FAM193B: variants seen among roughly 807,000 people sequenced by gnomAD.
FAM193B encodes protein FAM193B.
FAM193B carries 27 observed loss-of-function variants against 70.7 expected under a neutral mutation model. That is an observed-to-expected ratio of 0.38 (90% CI 0.28 to 0.53). The LOEUF (loss-of-function observed/expected upper bound fraction) is 0.53. Among genes scored for constraint, FAM193B ranks in the 20% least tolerant of loss-of-function variants. The pLI is 0.81. For synonymous variants in FAM193B, 448 were observed against 436.0 expected, an observed-to-expected ratio of 1.03 and a Z score of -0.34; for missense variants, 1,022 against 1,072.5, an observed-to-expected ratio of 0.95 and a Z score of 0.66.
chr5:177,532,634 C>A lies in FAM193B; in HGVS notation c.1084G>T (p.Gly362Trp), dbSNP rs569180331. 1.9e-6 allele frequency: 3 copies of A among 1,539,548 alleles called. No homozygotes were observed. The Admixed American group carries it at 7.0e-5, about 36-fold the overall frequency. The stretch of plus-strand genomic sequence containing the variant: ...TGTGCAAACTTGTGCCCCTTGCACC[C>A]GGGATCCCTGATGATGGGGAGGAAG... ...QPLPSTHRDP[G>W]CKGHKFAHSG... The change falls in exon 5 of 9, where the codon GGG (glycine) becomes TGG (tryptophan). Residue 362 changes from glycine to tryptophan, a missense_variant. Gly to Trp is a radical substitution (Grantham distance 184). Coordinates refer to ENST00000514747, the MANE Select transcript of FAM193B (RefSeq NM_001190946.3). The surrounding 1 kb of genome is among the most constrained non-coding windows in gnomAD (Gnocchi z 4.9).
intron 1 of FAM193B, among the ~76,000 whole-genome samples, chr5:177,550,447 C>A (rs566345750): frequency 6.6e-6 from 1 of 152,310 alleles, no homozygotes; most frequent in Admixed American, 6.5e-5. Flanking sequence ...TAATGAGATG[C>A]TTTTATTAAA....
At position 177,524,756 on chromosome 5, in the gene FAM193B, G is replaced by A. The variant is rs775984943; in HGVS notation, c.1725C>T (p.Pro575=). 9 of 1,531,114 alleles carry A rather than the reference G, an allele frequency of 5.9e-6. No individual in the cohort carries two copies. Among genetic ancestry groups the A allele is most frequent in the Admixed American group, 2.1e-5 (1 of 47,326 alleles). The allele number at this position is 1,531,114 out of a possible 1,614,324, so 94.8% of individuals were successfully genotyped here. A position where few individuals can be genotyped will look rare whatever the true frequency, so the allele number is the denominator to read the frequency against. The part of the protein sequence containing the change: ...PPWTEVRGPP[P]GIVPENGLVR... ...CGAGCCCGTTCTCGGGGACGATACC[G>A]GGAGGGGGCCCCCTCACCTCTGTCC... Residue 575 remains proline, a synonymous_variant, in exon 6 of 9, where the codon CCC becomes CCT. Transcript: ENST00000514747.
At chr5:177,552,649 C>G (rs1766424330) in intron 1 of FAM193B, among the ~76,000 whole-genome samples, 1 of 152,142 alleles carries the variant, frequency 6.6e-6, no homozygotes, top group Non-Finnish European at 1.5e-5. Context: ...CCAGAGTAGG[C>G]TGGTGGGGGA....
chr5:177,548,207 G>C (rs181007243), intron 1 of FAM193B, among the ~76,000 whole-genome samples: 1 of 152,128 alleles, frequency 6.6e-6, no homozygotes, highest in African/African-American at 2.4e-5. Flanking sequence ...GTTTAAAAAC[G>C]TATCTCTAGA....
rs1422844224 is a variant in FAM193B at position 177,522,047 on chromosome 5, C to G, written c.2397G>C (p.Gln799His). The part of the protein sequence containing the change: ...FKRFCLDSAK[Q>H]TRQKVAVNWT... ...AGTTCACAGCAACTTTCTGACGAGT[C>G]TGCTTTGCAGAATCCAAACAGAACC... The change falls in exon 8 of 9, where the codon CAG becomes CAC. Residue 799 changes from glutamine to histidine, a missense_variant. Gln to His is a conservative substitution (Grantham distance 24). Transcript: ENST00000514747. The G allele has an allele frequency of 7.4e-6, 12 of 1,614,032 alleles. No individual in the cohort carries two copies. The highest frequency in any genetic ancestry group is 1.0e-5 in the Non-Finnish European group (12 of 1,179,898).
At chr5:177,542,595 A>G (rs1249818091) in intron 1 of FAM193B, among the ~76,000 whole-genome samples, 3 of 152,126 alleles carry the variant, frequency 2.0e-5, no homozygotes, top group African/African-American at 7.2e-5. Flanking sequence ...TCCCAAAATA[A>G]TCTCTGCCTT....
chr5:177,532,239 A>G lies in FAM193B; in HGVS notation c.1275+204T>C. 1 of 1,497,926 alleles carries G rather than the reference A, an allele frequency of 6.7e-7. No individual in the cohort carries two copies. Among genetic ancestry groups the G allele is most frequent in the South Asian group, 1.3e-5 (1 of 78,094 alleles). The allele number at this position is 1,497,926 out of a possible 1,614,324, so 92.8% of individuals were successfully genotyped here. ...GTCAATCTTAAGAGAAACCATGAGA[A>G]GAGCAAAGGTAGCAAAATGTTTAAA... On this transcript the variant is annotated intron_variant, in intron 5 of 8. Coordinates refer to ENST00000514747, the MANE Select transcript of FAM193B (RefSeq NM_001190946.3). The surrounding 1 kb of genome is among the most constrained non-coding windows in gnomAD (Gnocchi z 4.9).
chr5:177,545,500 A>C (rs1765308829), intron 1 of FAM193B, among the ~76,000 whole-genome samples: 1 of 152,184 alleles, frequency 6.6e-6, no homozygotes, highest in Non-Finnish European at 1.5e-5. Context: ...AATAGATATA[A>C]ACAACACAAA....
rs1272935610 is a variant in FAM193B, at chr5:177,536,707, C to G, written c.727G>C (p.Asp243His). Residue 243 changes from aspartate (D) to histidine (H), a missense_variant, in exon 4 of 9, where the codon GAC (aspartate) becomes CAC (histidine). Transcript: ENST00000514747. ...GGGCTGTTAGGGGGAGCAGTGAGGT[C>G]TGAGTGCTGGTGGTGCTCCGAGACG... ...FPVSEHHQHSDLTAPPNSPTG... is the reference protein window; with the variant it reads ...FPVSEHHQHSHLTAPPNSPTG... 10 of 1,560,490 alleles carry G rather than the reference C, an allele frequency of 6.4e-6. No individual in the cohort carries two copies. The East Asian group carries it at 1.4e-4, about 22-fold the overall frequency.
chr5:177,541,291 C>T (rs1281486161), intron 1 of FAM193B, among the ~76,000 whole-genome samples: 1 of 152,190 alleles, frequency 6.6e-6, no homozygotes, highest in Non-Finnish European at 1.5e-5. Flanking sequence ...CCTTTTCCTG[C>T]CATGATGATG....
rs1766718234 is a variant in FAM193B at position 177,554,144 on chromosome 5, C to T, written c.210+105G>A. Reference sequence around the variant, plus strand: ...GCCGGACCCGGGGGAAGGCTGCTACCCCAGCCGCGGCAGGATGGCCCATCC... The same window carrying T: ...GCCGGACCCGGGGGAAGGCTGCTACTCCAGCCGCGGCAGGATGGCCCATCC... On this transcript the variant is annotated intron_variant, in intron 1 of 8. Transcript: ENST00000514747. 2.1e-6 allele frequency: 3 copies of T among 1,443,430 alleles called. No individual in the cohort carries two copies. In the South Asian group the frequency reaches 3.9e-5, roughly 19 times the overall value. The allele number at this position is 1,443,430 out of a possible 1,614,324, so 89.4% of individuals were successfully genotyped here.
chr5:177,544,414 G>C (rs1765183217), intron 1 of FAM193B, among the ~76,000 whole-genome samples: 1 of 152,068 alleles, frequency 6.6e-6, no homozygotes, highest in Non-Finnish European at 1.5e-5. Context: ...TTTTTTCATG[G>C]AACACCATTT....
At position 177,524,849 on chromosome 5, in the gene FAM193B, G is replaced by C. The variant is rs1762347973; in HGVS notation, c.1632C>G (p.Asn544Lys). 3 of 1,511,450 alleles carry C rather than the reference G, an allele frequency of 2.0e-6. No homozygotes were observed. The highest frequency in any genetic ancestry group is 2.6e-6 in the Non-Finnish European group (3 of 1,132,436). 93.6% of individuals were successfully genotyped at this position (1,511,450 alleles called of 1,614,324 possible). A position where few individuals can be genotyped will look rare whatever the true frequency, so the allele number is the denominator to read the frequency against. ...GCTCGCCTGGAGCTTGTAACGTGTG[G>C]TTCTGAGGGGAGCCCAAAGTCAAAG... is the stretch of plus-strand genomic sequence containing the variant. Reference protein sequence around the residue: ...LSPLTLGSPQNHTLQAPGEPA... With the variant: ...LSPLTLGSPQKHTLQAPGEPA... Residue 544 changes from asparagine to lysine, a missense_variant, in exon 6 of 9, where the codon AAC becomes AAG. By Grantham distance (94) the Asn-to-Lys change is moderately conservative. Transcript: ENST00000514747.
chr5:177,532,347 C>A lies in FAM193B; in HGVS notation c.1275+96G>T. On this transcript the variant is annotated intron_variant, in intron 5 of 8. Transcript: ENST00000514747. This position sits in a 1 kb window ranked among gnomAD's most constrained non-coding sequence, Gnocchi z 4.9. ...CTCACGGCCCCAGCACGGTAATTACCACCGTGAGCAACGGGGTCTCTGGGG... is the reference window on the plus strand; with the variant it reads ...CTCACGGCCCCAGCACGGTAATTACAACCGTGAGCAACGGGGTCTCTGGGG... 2 of 1,504,546 alleles carry A rather than the reference C, an allele frequency of 1.3e-6. No individual in the cohort carries two copies. The highest frequency in any genetic ancestry group is 1.8e-6 in the Non-Finnish European group (2 of 1,125,402). 93.2% of individuals were successfully genotyped at this position (1,504,546 alleles called of 1,614,324 possible). A position where few individuals can be genotyped will look rare whatever the true frequency, so the allele number is the denominator to read the frequency against.
intron 5 of FAM193B, chr5:177,531,173 A>C: frequency 8.7e-7 from 1 of 1,144,430 alleles, no homozygotes; most frequent in African/African-American, 1.6e-5. Context: ...CAGTGAGCCA[A>C]GCTGAGGCCT....
At chr5:177,533,811 A>G (rs934631127) in intron 4 of FAM193B, among the ~76,000 whole-genome samples, 4 of 152,226 alleles carry the variant, frequency 2.6e-5, no homozygotes, top group African/African-American at 9.7e-5. Context: ...GAAGGGGTAC[A>G]TGGTGGGTGC....
At chr5:177,529,389 C>G (rs993015510) in intron 5 of FAM193B, among the ~76,000 whole-genome samples, 1 of 151,896 alleles carries the variant, frequency 6.6e-6, no homozygotes, top group South Asian at 2.1e-4. Context: ...TGGAAGGAGA[C>G]AAGGGAGGAG....
At chr5:177,547,087 A>AT (rs1765521662) in intron 1 of FAM193B, 1 of 152,152 alleles carries the variant, frequency 6.6e-6, no homozygotes, top group Non-Finnish European at 1.5e-5. Context: ...TTTGAGCCTC[A>AT]ATTTCCTCAT....
chr5:177,531,422 T>A (rs1478793179), intron 5 of FAM193B: 1 of 1,360,148 alleles, frequency 7.4e-7, no homozygotes. Flanking sequence ...CCGCCCAGGG[T>A]GCCCCCCTTC....
Sources: gnomAD v4.1 joint callset for allele counts (sites outside exome capture counted in the v4.1 genomes callset) on GRCh38, gnomAD v4.1.1 for gene constraint, Gnocchi (gnomAD v3.1) non-coding constraint, MANE v1.5 for transcripts, NCBI Gene and HGNC (gene_info 2026-07-23, HGNC 2026-07-21) for gene names.